Variants in CFAP251 observed in about 807,000 individuals in gnomAD.
The protein encoded by CFAP251 is cilia- and flagella-associated protein 251.
CFAP251 carries 93 observed loss-of-function variants against 126.7 expected under a neutral mutation model. That is an observed-to-expected ratio of 0.73 (90% CI 0.62 to 0.87). The LOEUF (loss-of-function observed/expected upper bound fraction) is 0.87, where lower values mean the gene tolerates loss of function less well. Among genes scored for constraint, CFAP251 ranks in the 40% least tolerant of loss-of-function variants. The pLI is 0.00. For synonymous variants in CFAP251, 503 were observed against 506.9 expected (o/e 0.99, Z 0.10); for missense variants, 1,287 against 1,389.2 (o/e 0.93, Z 1.17).
intron 5 of CFAP251, among the ~76,000 whole-genome samples, chr12:121,942,281 A>T (rs895343396): frequency 1.3e-5 from 2 of 152,140 alleles, no homozygotes; most frequent in African/African-American, 4.8e-5. Context: ...GCCGTTTCAT[A>T]TGAGTGGACT....
At chr12:121,951,881 G>A (rs1881541394) in intron 9 of CFAP251, among the ~76,000 whole-genome samples, 1 of 151,844 alleles carries the variant, frequency 6.6e-6, no homozygotes, top group African/African-American at 2.4e-5. Context: ...ACCACGCCCG[G>A]CTAATTTTTT....
chr12:121,992,632 C>A, intron 19 of CFAP251: 1 of 507,708 alleles, frequency 2.0e-6, no homozygotes, highest in Non-Finnish European at 2.5e-6. Context: ...GGCTGGAGTG[C>A]AGTGGCACAA....
rs745817765 is a variant in CFAP251 at position 121,931,797 on chromosome 12, C to G, written c.799C>G (p.Arg267Gly). 6.2e-7 allele frequency: 1 copy of G among 1,602,032 alleles called. No homozygotes were observed. Among genetic ancestry groups the G allele is most frequent in the Non-Finnish European group, 8.5e-7 (1 of 1,174,886 alleles). ...CAGTTCTCTTCCTGTTTACTATATT[C>G]GAGAGGAAAGGCAGAGAGTTCTTCT... is the stretch of plus-strand genomic sequence containing the variant. ...WNSSLPVYYIREERQRVLLYV... is the reference protein window; with the variant it reads ...WNSSLPVYYIGEERQRVLLYV... Residue 267 changes from arginine to glycine, a missense_variant, in exon 4 of 22, where the codon CGA (arginine) becomes GGA (glycine). Coordinates refer to ENST00000288912, the MANE Select transcript of CFAP251 (RefSeq NM_144668.6).
chr12:121,971,700 C>T lies in CFAP251; in HGVS notation c.2771+3531C>T, dbSNP rs554871732. ...AGGGCTTTCTAAGTCCACCCCACAC[C>T]TTAACAAACATTCATTACAGGAGGA... On this transcript the variant is annotated intron_variant, in intron 17 of 21. Coordinates refer to ENST00000288912, the MANE Select transcript of CFAP251 (RefSeq NM_144668.6). 9 of 691,896 alleles carry T rather than the reference C, an allele frequency of 1.3e-5. No individual in the cohort carries two copies. In the African/African-American group the frequency reaches 1.4e-4, roughly 11 times the overall value. 42.9% of individuals were successfully genotyped at this position (691,896 alleles called of 1,614,324 possible).
intron 2 of CFAP251, among the ~76,000 whole-genome samples, chr12:121,923,396 T>C (rs959064592): frequency 1.3e-5 from 2 of 152,082 alleles, no homozygotes; most frequent in African/African-American, 2.4e-5. Flanking sequence ...TGGGCTCAAG[T>C]GATCCTCCCC....
intron 3 of CFAP251, among the ~76,000 whole-genome samples, chr12:121,930,364 G>A (rs1015042255): frequency 6.6e-6 from 1 of 151,998 alleles, no homozygotes; most frequent in African/African-American, 2.4e-5. Context: ...GTGCATGCCT[G>A]TACTCCAAGC....
intron 4 of CFAP251, among the ~76,000 whole-genome samples, chr12:121,933,987 GTTGCCGCTTGCCTTCACCTC>G (rs1880792002): frequency 6.6e-6 from 1 of 152,176 alleles, no homozygotes; most frequent in Non-Finnish European, 1.5e-5. Context: ...TGGGTTGGGA[GTTGCCGCTTGCCTTCACCTC>G]TAGGAGCCAC....
In CFAP251 at chr12:121,952,240, T is replaced by TAAAAAAAAAAAAA. The variant is rs558861973; in HGVS notation, c.1320+729_1320+741dup. 6.9e-3 allele frequency among the ~76,000 whole-genome samples: 638 copies of TAAAAAAAAAAAAA among 92,014 alleles called. 11 individuals carry two copies. The highest frequency in any genetic ancestry group is 0.016 in the East Asian group (42 of 2,616). 60.4% of individuals were successfully genotyped at this position (92,014 alleles called of 152,430 possible). On this transcript the variant is annotated intron_variant, in intron 9 of 21. Coordinates refer to ENST00000288912, the MANE Select transcript of CFAP251 (RefSeq NM_144668.6). The stretch of plus-strand genomic sequence containing the variant: ...AACACAGGCTAGACTTCGTTTCTAC[T>TAAAAAAAAAAAAA]AAAAAAAAAAAAAAAAAAAAAAAAA...
At chr12:121,957,366 A>G (rs1022372162) in intron 11 of CFAP251, 98 bp downstream of exon 11, 3 of 1,224,096 alleles carry the variant, frequency 2.5e-6, no homozygotes, top group Middle Eastern at 2.1e-4. Context: ...TTCCTGGGAT[A>G]TCTCCCTGGC....
At chr12:121,971,562 C>T (rs1328877009) in intron 17 of CFAP251, 3 of 702,890 alleles carry the variant, frequency 4.3e-6, no homozygotes, top group Non-Finnish European at 7.8e-6. Flanking sequence ...TGACAGCCAT[C>T]CTGGGAGCCA....
chr12:121,930,125 C>CT (rs35555643), intron 3 of CFAP251, among the ~76,000 whole-genome samples: 30 of 151,852 alleles, frequency 2.0e-4, no homozygotes, highest in African/African-American at 6.8e-4. Flanking sequence ...CTTGTTAGCC[C>CT]TTTTTTTTTC....
intron 20 of CFAP251, among the ~76,000 whole-genome samples, chr12:122,001,055 C>CT (rs1177422104): frequency 0.018 from 2,094 of 117,388 alleles, 29 homozygotes; most frequent in Middle Eastern, 0.042. Flanking sequence ...GTTTTTGTTG[C>CT]TTTTTTTTTT....
intron 16 of CFAP251, among the ~76,000 whole-genome samples, chr12:121,967,776 G>A (rs1882197054): frequency 2.0e-5 from 3 of 152,230 alleles, no homozygotes. Context: ...ATGAAGGCAG[G>A]GAGGAAAGCT....
chr12:121,942,561 C>G lies in CFAP251; in HGVS notation c.1026C>G (p.Ser342Arg), dbSNP rs752649757. Residue 342 changes from serine to arginine, a missense_variant, in exon 6 of 22, where the codon AGC becomes AGG. Transcript: ENST00000288912. Reference protein sequence around the residue: ...TGIPVHTIFDSCPEGNGIMAM... With the variant: ...TGIPVHTIFDRCPEGNGIMAM... ...TTCCTGTGCACACAATATTTGACAG[C>G]TGCCCTGAAGGGAATGGCATCATGG... The G allele has an allele frequency of 2.5e-6, 4 of 1,613,928 alleles. No individual in the cohort carries two copies. The highest frequency in any genetic ancestry group is 3.4e-6 in the Non-Finnish European group (4 of 1,179,930).
intron 1 of CFAP251, among the ~76,000 whole-genome samples, chr12:121,919,256 A>G (rs1334811366): frequency 6.6e-6 from 1 of 152,040 alleles, no homozygotes; most frequent in Non-Finnish European, 1.5e-5. Context: ...TTATTTTCAA[A>G]GTGTTGAGTT....
chr12:121,942,337 G>A (rs1881153994), intron 5 of CFAP251, among the ~76,000 whole-genome samples, 197 bp from the exon 6 acceptor site: 3 of 151,794 alleles, frequency 2.0e-5, no homozygotes, highest in South Asian at 2.1e-4. Flanking sequence ...ACTCAGCATC[G>A]CTTCCGACGC....
chr12:121,988,919 A>C (rs1437298857), intron 19 of CFAP251, among the ~76,000 whole-genome samples: 1 of 151,874 alleles, frequency 6.6e-6, no homozygotes, highest in African/African-American at 2.4e-5. Flanking sequence ...TATTTTTAGT[A>C]GAGATGGGGT....
chr12:121,939,567 A>G (rs916321823), intron 5 of CFAP251, among the ~76,000 whole-genome samples: 14 of 150,760 alleles, frequency 9.3e-5, no homozygotes, highest in Non-Finnish European at 1.9e-4. Flanking sequence ...CTCTCTCTCT[A>G]CTAGACATGA....
intron 3 of CFAP251, among the ~76,000 whole-genome samples, chr12:121,924,974 T>TCTTCCCCTCCCCTCTC (rs1215980858): frequency 6.6e-5 from 10 of 151,280 alleles, no homozygotes; most frequent in African/African-American, 2.4e-4. Flanking sequence ...CCTTCCCTCT[T>TCTTCCCCTCCCCTCTC]CTTCCCCTCC....
Sources: gnomAD v4.1 joint callset for allele counts (sites outside exome capture counted in the v4.1 genomes callset) on GRCh38, gnomAD v4.1.1 for gene constraint, MANE v1.5 for transcripts, NCBI Gene and HGNC (gene_info 2026-07-23, HGNC 2026-07-21) for gene names.